Variants in IQGAP1 observed in about 807,000 individuals in gnomAD.
IQGAP1 encodes IQ motif containing GTPase activating protein 1.
A neutral mutation model predicts 215.6 loss-of-function variants in IQGAP1; 66 were observed. The ratio of observed to expected loss-of-function variants is 0.31; its 90% confidence interval spans 0.25 to 0.38. The LOEUF (loss-of-function observed/expected upper bound fraction) is 0.38, where lower values mean the gene tolerates loss of function less well. Ranked by LOEUF, IQGAP1 falls within the 10% of genes least tolerant of loss-of-function variation. The pLI is 1.00. For missense variants in IQGAP1, 1,712 were observed against 1,997.1 expected (o/e 0.86, Z 2.72); for synonymous variants, 772 against 728.7 (o/e 1.06, Z -0.96).
intron 37 of IQGAP1, 59 bp from the exon 38 acceptor site, chr15:90,499,935 TC>T (rs1474884452): frequency 1.3e-5 from 15 of 1,134,558 alleles, no homozygotes; most frequent in African/African-American, 3.2e-5. Flanking sequence ...TTTTCCTTGT[TC>T]CACAGACTTG....
intron 11 of IQGAP1, 46 bp downstream of exon 11, chr15:90,449,689 G>A: frequency 2.0e-6 from 3 of 1,478,224 alleles, no homozygotes; most frequent in South Asian, 1.2e-5. Context: ...GTGGCTTTGT[G>A]TTATTGAAGG....
chr15:90,465,354 C>G (rs1223211069), intron 15 of IQGAP1, among the ~76,000 whole-genome samples: 3 of 152,092 alleles, frequency 2.0e-5, no homozygotes, highest in African/African-American at 7.2e-5. Context: ...ATATATATAC[C>G]CTGGCCCTTG....
intron 5 of IQGAP1, 72 bp downstream of exon 5, chr15:90,433,867 T>C: frequency 2.3e-6 from 2 of 886,882 alleles, no homozygotes; most frequent in Non-Finnish European, 3.5e-6. Flanking sequence ...TTTTTTATCC[T>C]TGAGGTAAGA....
chr15:90,448,626 G>C lies in IQGAP1; in HGVS notation c.967G>C (p.Ala323Pro). The C allele has an allele frequency of 6.2e-7, 1 of 1,609,074 alleles. No homozygotes were observed. The highest frequency in any genetic ancestry group is 8.5e-7 in the Non-Finnish European group (1 of 1,177,880). The change falls in exon 10 of 38, where the codon GCC becomes CCC. Residue 323 changes from alanine to proline, a missense_variant. Transcript: ENST00000268182. The part of the protein sequence containing the change: ...DLALEQGDAL[A>P]LFRALQSPAL... Reference sequence around the variant, plus strand: ...GGCTTTAGAACAAGGAGATGCACTGGCCTTGTTCAGGGCTCTGCAGTCACC... The same window carrying C: ...GGCTTTAGAACAAGGAGATGCACTGCCCTTGTTCAGGGCTCTGCAGTCACC...
chr15:90,479,825 C>T lies in IQGAP1; in HGVS notation c.3329+1936C>T, dbSNP rs984263800. Among the ~76,000 whole-genome samples the T allele has an allele frequency of 3.3e-5, 5 of 152,206 alleles. No individual in the cohort carries two copies. The South Asian group carries it at 6.2e-4, about 19-fold the overall frequency. Reference sequence around the variant, plus strand: ...TCTGTTATCAGGACTCAGATCATTGCAAAAGTCTTTTTAATTTTTTTGCCT... The same window carrying T: ...TCTGTTATCAGGACTCAGATCATTGTAAAAGTCTTTTTAATTTTTTTGCCT... On this transcript the variant is annotated intron_variant, in intron 26 of 37. Coordinates refer to ENST00000268182, the MANE Select transcript of IQGAP1 (RefSeq NM_003870.4).
At chr15:90,482,654 C>CT in intron 28 of IQGAP1, 2 of 754,278 alleles carry the variant, frequency 2.7e-6, no homozygotes, top group Non-Finnish European at 3.2e-6. Context: ...ATGCTCTTCT[C>CT]TTTTCTTTTT....
At chr15:90,437,953 C>A (rs1324326621) in intron 5 of IQGAP1, among the ~76,000 whole-genome samples, 1 of 152,130 alleles carries the variant, frequency 6.6e-6, no homozygotes, top group South Asian at 2.1e-4. Flanking sequence ...CTTATACTTG[C>A]ACTTCTCTGA....
intron 36 of IQGAP1, chr15:90,497,005 A>G (rs1001413140): frequency 2.1e-5 from 8 of 382,958 alleles, no homozygotes; most frequent in Admixed American, 1.3e-4. Flanking sequence ...GATAGGATGT[A>G]AGTGCTGCAG....
chr15:90,482,383 C>A (rs1341349058), intron 28 of IQGAP1, 102 bp downstream of exon 28: 10 of 1,053,856 alleles, frequency 9.5e-6, no homozygotes, highest in Non-Finnish European at 1.5e-5. Context: ...TAGGTTCTGG[C>A]AGTAGCTTAC....
chr15:90,449,453 CTA>C (rs1245733134), intron 10 of IQGAP1, 104 bp from the exon 11 acceptor site: 1 of 901,692 alleles, frequency 1.1e-6, no homozygotes, highest in African/African-American at 1.7e-5. Context: ...TCACTTATGA[CTA>C]TGGCTCTCTC....
chr15:90,444,586 C>T lies in IQGAP1; in HGVS notation c.913+1108C>T, dbSNP rs181261287. Among the ~76,000 whole-genome samples the T allele has an allele frequency of 7.6e-4, 115 of 152,084 alleles. 1 individual carries two copies. The highest frequency in any genetic ancestry group is 2.8e-3 in the Admixed American group (42 of 15,248). Reference sequence around the variant, plus strand: ...GGCATGAGCCACCTTGCCCAGCCTCCAAAACATATTTAAACAAAAATGAGA... The same window carrying T: ...GGCATGAGCCACCTTGCCCAGCCTCTAAAACATATTTAAACAAAAATGAGA... On this transcript the variant is annotated intron_variant, in intron 9 of 37. Coordinates refer to ENST00000268182, the MANE Select transcript of IQGAP1 (RefSeq NM_003870.4).
chr15:90,477,771 A>T lies in IQGAP1; in HGVS notation c.3211A>T (p.Ile1071Phe), dbSNP rs1237307278. 4 of 1,613,762 alleles carry T rather than the reference A, an allele frequency of 2.5e-6. No homozygotes were observed. Among genetic ancestry groups the T allele is most frequent in the African/African-American group, 2.7e-5 (2 of 74,916 alleles). The change falls in exon 26 of 38, where the codon ATC becomes TTC. Residue 1071 changes from isoleucine to phenylalanine, a missense_variant. By Grantham distance (21) the Ile-to-Phe change is conservative. Coordinates refer to ENST00000268182, the MANE Select transcript of IQGAP1 (RefSeq NM_003870.4). Reference protein sequence around the residue: ...GARGQNALRQILAPVVKEIMD... With the variant: ...GARGQNALRQFLAPVVKEIMD... Reference sequence around the variant, plus strand: ...CCGTGGCCAGAATGCCCTGAGACAGATCTTGGCCCCAGTCGTGAAGGAAAT... The same window carrying T: ...CCGTGGCCAGAATGCCCTGAGACAGTTCTTGGCCCCAGTCGTGAAGGAAAT...
At chr15:90,465,401 G>A (rs1421166892) in intron 15 of IQGAP1, among the ~76,000 whole-genome samples, 1 of 152,182 alleles carries the variant, frequency 6.6e-6, no homozygotes, top group African/African-American at 2.4e-5. Flanking sequence ...TTCCCAGTCT[G>A]TCTGGGCCTC....
intron 9 of IQGAP1, among the ~76,000 whole-genome samples, chr15:90,444,242 ACTGTGTGTGTGTGT>A (rs1965491983): frequency 1.8e-5 from 2 of 109,930 alleles, no homozygotes; most frequent in African/African-American, 7.1e-5. Flanking sequence ...GTCCTTCAAA[ACTGTGTGTGTGTGT>A]GTGTGTGTGT....
intron 5 of IQGAP1, among the ~76,000 whole-genome samples, chr15:90,438,422 G>A (rs1422494779): frequency 2.6e-5 from 4 of 152,068 alleles, no homozygotes; most frequent in Non-Finnish European, 5.9e-5. Context: ...AATGAGCCCT[G>A]TATTGTCCCT....
At position 90,452,785 on chromosome 15, in the gene IQGAP1, A is replaced by G. The variant is rs573786708; in HGVS notation, c.1173A>G (p.Ala391=). Residue 391 remains alanine, a synonymous_variant, in exon 12 of 38, where the codon GCA becomes GCG. Coordinates refer to ENST00000268182, the MANE Select transcript of IQGAP1 (RefSeq NM_003870.4). ...AAQQYQRRLA[A]VALINAAIQK... The stretch of plus-strand genomic sequence containing the variant: ...CTGTTTTTTACACAGGATTGGCAGC[A>G]GTAGCACTGATTAATGCTGCAATCC... 2.5e-5 allele frequency: 40 copies of G among 1,614,142 alleles called. No homozygotes were observed. In the South Asian group the frequency reaches 3.4e-4, roughly 14 times the overall value.
intron 3 of IQGAP1, 98 bp downstream of exon 3, chr15:90,426,364 G>C: frequency 1.5e-6 from 2 of 1,346,180 alleles, no homozygotes; most frequent in Non-Finnish European, 2.0e-6. Flanking sequence ...TGTGTAAGGT[G>C]TGTTTGTTGC....
intron 33 of IQGAP1, among the ~76,000 whole-genome samples, chr15:90,490,199 G>A (rs1253065503): frequency 6.6e-6 from 1 of 152,192 alleles, no homozygotes; most frequent in Admixed American, 6.5e-5. Context: ...CAAAGATTTA[G>A]GATCTGTCAA....
At chr15:90,428,561 C>G (rs890084716) in intron 3 of IQGAP1, among the ~76,000 whole-genome samples, 4 of 151,956 alleles carry the variant, frequency 2.6e-5, no homozygotes, top group African/African-American at 9.7e-5. Context: ...GGAGCCCTCA[C>G]TTGAGTCTAG....
Sources: allele counts gnomAD v4.1 joint callset (sites outside exome capture counted in the v4.1 genomes callset), GRCh38; gene constraint gnomAD v4.1.1; transcripts MANE v1.5; gene names NCBI Gene and HGNC (gene_info 2026-07-23, HGNC 2026-07-21).